Variants in SEC62 observed in about 807,000 individuals in gnomAD.
SEC62 encodes the protein translocation protein SEC62.
A neutral mutation model predicts 47.5 loss-of-function variants in SEC62; 10 were observed. The ratio of observed to expected loss-of-function variants is 0.21; its 90% CI spans 0.13 to 0.36. SEC62 has a LOEUF of 0.36. Ranked by LOEUF, SEC62 falls within the 10% of genes least tolerant of loss-of-function variation. The probability of loss-of-function intolerance (pLI) is 1.00; values close to 1 mark genes in which losing one functional copy is unlikely to be tolerated. For synonymous variants in SEC62, 136 were observed against 150.5 expected, an observed-to-expected ratio of 0.90 and a Z score of 0.71; for missense variants, 327 against 464.1, an observed-to-expected ratio of 0.70 and a Z score of 2.71.
chr3:169,991,502 C>G (rs898426864), intron 7 of SEC62, among the ~76,000 whole-genome samples: 1 of 151,980 alleles, frequency 6.6e-6, no homozygotes, highest in African/African-American at 2.4e-5. Context: ...AGTTTGAGCC[C>G]AGGAGTTCAA....
intron 1 of SEC62, among the ~76,000 whole-genome samples, chr3:169,968,729 G>C (rs1714617957): frequency 6.6e-6 from 1 of 152,160 alleles, no homozygotes; most frequent in East Asian, 1.9e-4. Context: ...TTGATATGCT[G>C]AAGAAAGATT....
intron 1 of SEC62, among the ~76,000 whole-genome samples, chr3:169,973,990 T>G (rs535941544): frequency 4.6e-5 from 7 of 152,360 alleles, no homozygotes; most frequent in African/African-American, 1.7e-4. Flanking sequence ...TGGGATAAAG[T>G]TAAAGCTGAA....
intron 1 of SEC62, among the ~76,000 whole-genome samples, chr3:169,971,085 T>A (rs1714687798): frequency 6.7e-6 from 1 of 149,228 alleles, no homozygotes; most frequent in Non-Finnish European, 1.5e-5. Context: ...TTTTTTTTTT[T>A]AAAGAGACAA....
At chr3:169,969,465 G>GT in intron 1 of SEC62, 1 of 406,516 alleles carries the variant, frequency 2.5e-6, no homozygotes, top group Non-Finnish European at 5.0e-6. Flanking sequence ...TACAATCCTG[G>GT]TATCAAGAAA....
chr3:169,984,318 A>G (rs1715049141), intron 5 of SEC62, among the ~76,000 whole-genome samples: 1 of 152,216 alleles, frequency 6.6e-6, no homozygotes, highest in Non-Finnish European at 1.5e-5. Flanking sequence ...TAGCTTGATA[A>G]GTAGGATAAA....
chr3:169,974,801 T>C (rs1383287909), intron 1 of SEC62, among the ~76,000 whole-genome samples: 1 of 152,064 alleles, frequency 6.6e-6, no homozygotes, highest in Non-Finnish European at 1.5e-5. Flanking sequence ...GGCTACCACA[T>C]TGGGGGCAGC....
At chr3:169,979,795 A>G (rs1472976730) in intron 3 of SEC62, among the ~76,000 whole-genome samples, 1 of 152,192 alleles carries the variant, frequency 6.6e-6, no homozygotes, top group Non-Finnish European at 1.5e-5. Flanking sequence ...TAGAATTGCT[A>G]CATATGTGTG....
In SEC62 at chr3:169,992,541, C is replaced by A; in HGVS notation, c.731-53C>A. ...CCCAGCTTTTTATTAACAAATACTC[C>A]CTTCTGAGGCAGTGTTTGAATTACT... On this transcript the variant is annotated intron_variant, in intron 7 of 7. Transcript: ENST00000337002. The surrounding 1 kb of genome is among the most constrained non-coding windows in gnomAD (Gnocchi z 4.0). 8.3e-7 allele frequency: 1 copy of A among 1,203,278 alleles called. No individual in the cohort carries two copies. Among genetic ancestry groups the A allele is most frequent in the Non-Finnish European group, 1.2e-6 (1 of 836,846 alleles). 74.5% of individuals were successfully genotyped at this position (1,203,278 alleles called of 1,614,324 possible). A position where few individuals can be genotyped will look rare whatever the true frequency, so the allele number is the denominator to read the frequency against.
At position 169,992,688 on chromosome 3, in the gene SEC62, T is replaced by C. The variant is rs773405463; in HGVS notation, c.825T>C (p.Ile275=). 3.7e-6 allele frequency: 6 copies of C among 1,614,176 alleles called. No homozygotes were observed. The East Asian group carries it at 1.3e-4, about 36-fold the overall frequency. The change falls in exon 8 of 8, where the codon ATT becomes ATC. Residue 275 remains isoleucine, a synonymous_variant. Transcript: ENST00000337002. The surrounding 1 kb of genome is among the most constrained non-coding windows in gnomAD (Gnocchi z 4.0). ...ATCTGACTGCTGATGTGGGCTTCAT[T>C]GACTCCTTCAGGCCTCTGTACACAC... The part of the protein sequence containing the change: ...LPNLTADVGF[I]DSFRPLYTHE...
At position 169,994,184 on chromosome 3, in the gene SEC62, C is replaced by T. The variant is rs1333717256; in HGVS notation, c.*1121C>T. Reference sequence around the variant, plus strand: ...GATAATGAAAGAAAACATAAGAGAACTATTGGACTCTAATTGCTTTGAACT... The same window carrying T: ...GATAATGAAAGAAAACATAAGAGAATTATTGGACTCTAATTGCTTTGAACT... On this transcript the variant is annotated 3_prime_UTR_variant, in exon 8 of 8. Transcript: ENST00000337002. The T allele has an allele frequency of 6.6e-6, 1 of 152,518 alleles. No individual in the cohort carries two copies. Among genetic ancestry groups the T allele is most frequent in the East Asian group, 1.9e-4 (1 of 5,198 alleles). 9.4% of individuals were successfully genotyped at this position (152,518 alleles called of 1,614,324 possible).
chr3:169,990,597 T>A (rs1224172559), intron 7 of SEC62, among the ~76,000 whole-genome samples: 1 of 152,214 alleles, frequency 6.6e-6, no homozygotes, highest in African/African-American at 2.4e-5. Context: ...AGATTTCATA[T>A]TATGAATCAT....
intron 3 of SEC62, among the ~76,000 whole-genome samples, chr3:169,979,262 T>G (rs1456936936): frequency 6.6e-6 from 1 of 152,174 alleles, no homozygotes; most frequent in African/African-American, 2.4e-5. Context: ...TTCTCATGAG[T>G]TGCTGCCCAA....
chr3:169,984,815 TAA>T (rs1715061968), intron 5 of SEC62, among the ~76,000 whole-genome samples: 1 of 151,940 alleles, frequency 6.6e-6, no homozygotes, highest in Non-Finnish European at 1.5e-5. Flanking sequence ...AATATAGAAA[TAA>T]GAGGGAAGAG....
chr3:169,967,579 T>C (rs1242940469), intron 1 of SEC62, among the ~76,000 whole-genome samples: 2 of 152,166 alleles, frequency 1.3e-5, no homozygotes, highest in African/African-American at 4.8e-5. Flanking sequence ...GTCATCCTCG[T>C]AGTAACGTAC....
chr3:169,987,688 C>T (rs748574344), intron 6 of SEC62, among the ~76,000 whole-genome samples: 2 of 152,068 alleles, frequency 1.3e-5, no homozygotes, highest in South Asian at 2.1e-4. Context: ...TTTCTTGTGT[C>T]CCCACTTTAC....
chr3:169,968,293 A>G (rs1174459307), intron 1 of SEC62: 1 of 152,196 alleles, frequency 6.6e-6, no homozygotes, highest in African/African-American at 2.4e-5. Context: ...ATTGTTTTAC[A>G]ATTCCAGTTG....
At chr3:169,968,046 G>T (rs76905264) in intron 1 of SEC62, among the ~76,000 whole-genome samples, 1 of 152,126 alleles carries the variant, frequency 6.6e-6, no homozygotes, top group African/African-American at 2.4e-5. Context: ...TCCGAACAGG[G>T]TGCAGAAGGG....
chr3:169,969,928 C>T (rs1714656210), intron 1 of SEC62, among the ~76,000 whole-genome samples: 1 of 152,140 alleles, frequency 6.6e-6, no homozygotes, highest in African/African-American at 2.4e-5. Flanking sequence ...TTGCACCCAT[C>T]TGTCTTCCTG....
In SEC62 at chr3:169,978,095, A is replaced by T. The variant is rs6766761; in HGVS notation, c.251+1044A>T. Among the ~76,000 whole-genome samples the T allele has an allele frequency of 5.3e-5, 8 of 151,952 alleles. No individual in the cohort carries two copies. The South Asian group carries it at 1.5e-3, about 28-fold the overall frequency. On this transcript the variant is annotated intron_variant, in intron 3 of 7. Transcript: ENST00000337002. ...GAGATCGAGACCATTCTGGCTAACA[A>T]GGTGAAACCCCATCTCTACTAAAAA...
Sources: allele counts gnomAD v4.1 joint callset (sites outside exome capture counted in the v4.1 genomes callset), GRCh38; gene constraint gnomAD v4.1.1; non-coding constraint Gnocchi (gnomAD v3.1); transcripts MANE v1.5; gene names NCBI Gene and HGNC (gene_info 2026-07-23, HGNC 2026-07-21).